Variants in STYXL2 observed in about 807,000 individuals in gnomAD.
The protein encoded by STYXL2 is serine/threonine/tyrosine-interacting-like protein 2.
In STYXL2, 44 loss-of-function variants were observed where a neutral mutation model predicts 52.4. That is an observed-to-expected ratio of 0.84 (90% CI 0.66 to 1.08). The LOEUF is 1.08. Among genes scored for constraint, STYXL2 ranks in the 50% least tolerant of loss-of-function variants. STYXL2 has a pLI of 0.00. For missense variants in STYXL2, 1,604 were observed against 1,471.7 expected (o/e 1.09, Z -1.47); for synonymous variants, 604 against 586.9 (o/e 1.03, Z -0.42).
Position 167,128,790 on chromosome 1 carries a change from G to C in STYXL2, c.*182G>C. 1 of 977,352 alleles carries C rather than the reference G, an allele frequency of 1.0e-6. No individual in the cohort carries two copies. The highest frequency in any genetic ancestry group is 1.4e-6 in the Non-Finnish European group (1 of 689,896). 60.5% of individuals were successfully genotyped at this position (977,352 alleles called of 1,614,324 possible). ...GTGGAGTAGGGAGGAGGCAAGGAGG[G>C]GGAGAACCATCAATACGAATACGAG... On this transcript the variant is annotated 3_prime_UTR_variant, in exon 6 of 6. Transcript: ENST00000361200.
chr1:167,123,183 G>A (rs1444014934), intron 5 of STYXL2, among the ~76,000 whole-genome samples: 1 of 152,212 alleles, frequency 6.6e-6, no homozygotes, highest in Non-Finnish European at 1.5e-5. Context: ...GCATCAGCCT[G>A]CCTCTAACAG....
At chr1:167,096,259 A>C (rs1415626120) in intron 2 of STYXL2, among the ~76,000 whole-genome samples, 1 of 151,916 alleles carries the variant, frequency 6.6e-6, no homozygotes, top group Admixed American at 6.6e-5. Context: ...CTCCATCTCA[A>C]AAAAAAAGAA....
rs762216703 is a variant in STYXL2 at position 167,117,518 on chromosome 1, T to C, written c.396T>C (p.Asn132=). ...AGGATCGCCAAGAGGCGCCCTGGAA[T>C]GAGGTGGATGAGGTCTGGCCCAATG... The part of the protein sequence containing the change: ...LVQDRQEAPW[N]EVDEVWPNVF... The change falls in exon 4 of 6, where the codon AAT becomes AAC. Residue 132 remains asparagine, a synonymous_variant. Coordinates refer to ENST00000361200, the MANE Select transcript of STYXL2 (RefSeq NM_001080426.3). 8 of 1,608,644 alleles carry C rather than the reference T, an allele frequency of 5.0e-6. No homozygotes were observed. Among genetic ancestry groups the C allele is most frequent in the Non-Finnish European group, 6.8e-6 (8 of 1,177,514 alleles).
At chr1:167,106,995 G>C (rs1571335206) in intron 2 of STYXL2, among the ~76,000 whole-genome samples, 1 of 152,092 alleles carries the variant, frequency 6.6e-6, no homozygotes, top group South Asian at 2.1e-4. Flanking sequence ...CCTTTTTGTG[G>C]GTCAGGAATT....
Position 167,126,527 on chromosome 1 carries a change from C to A in STYXL2, c.1396C>A (p.Arg466Ser). The change falls in exon 6 of 6, where the codon CGC becomes AGC. Residue 466 changes from arginine (R) to serine (S), a missense_variant. Arg to Ser is a moderately radical substitution (Grantham distance 110). Transcript: ENST00000361200. ...ELNRPDHGRR[R>S]RADSMSSEST... ...GAACCGCCCGGACCACGGCAGGAGG[C>A]GCCGCGCAGACTCGATGTCCTCGGA... The A allele has an allele frequency of 1.2e-6, 2 of 1,613,064 alleles. No homozygotes were observed. The highest frequency in any genetic ancestry group is 1.1e-5 in the South Asian group (1 of 90,958).
At position 167,119,257 on chromosome 1, in the gene STYXL2, C is replaced by CAGAA; in HGVS notation, c.446_447insAGAA (p.Val150GlufsTer45). 6.2e-7 allele frequency: 1 copy of CAGAA among 1,614,180 alleles called. No homozygotes were observed. The highest frequency in any genetic ancestry group is 8.5e-7 in the Non-Finnish European group (1 of 1,180,028). On this transcript the variant is annotated frameshift_variant, in exon 5 of 6. Transcript: ENST00000361200. LOFTEE classifies it high-confidence loss of function. Reference sequence around the variant, plus strand: ...CCTGCCTCTTCCCGCAGGAGTGTGGCTGTGAACAAGGGGAGGCTGAAGAGG... The same window carrying CAGAA: ...CCTGCCTCTTCCCGCAGGAGTGTGGCAGAATGTGAACAAGGGGAGGCTGAAGAGG...
chr1:167,099,100 A>C (rs1218683687), intron 2 of STYXL2, among the ~76,000 whole-genome samples: 1 of 152,184 alleles, frequency 6.6e-6, no homozygotes, highest in South Asian at 2.1e-4. Flanking sequence ...ATAATGATCA[A>C]AGGTTCAATT....
In STYXL2 at chr1:167,094,970, A is replaced by G; in HGVS notation, c.110+11A>G. On this transcript the variant is annotated intron_variant, in intron 2 of 5. Transcript: ENST00000361200. ...CCCCTCCCCTAGCCAGTAAGTGACC[A>G]CTTATCTCCCACCCTCACAGCCCCA... 6.3e-7 allele frequency: 1 copy of G among 1,583,026 alleles called. No homozygotes were observed. The highest frequency in any genetic ancestry group is 1.3e-5 in the African/African-American group (1 of 74,408).
In STYXL2 at chr1:167,128,129, T is replaced by C. The variant is rs1668016275; in HGVS notation, c.2998T>C (p.Ser1000Pro). 1.9e-6 allele frequency: 3 copies of C among 1,614,158 alleles called. No individual in the cohort carries two copies. The highest frequency in any genetic ancestry group is 1.3e-5 in the African/African-American group (1 of 75,034). The change falls in exon 6 of 6, where the codon TCT (serine) becomes CCT (proline). Residue 1000 changes from serine (S) to proline (P), a missense_variant. Ser to Pro is a moderately conservative substitution (Grantham distance 74). Transcript: ENST00000361200. ...CTCCTACCACGAGGCAAATGGCAAC[T>C]CTGTAAGAAGCACTTCACGGTTCTC... ...TSSYHEANGN[S>P]VRSTSRFSSS...
Position 167,126,138 on chromosome 1 carries a change from C to A in STYXL2, c.1007C>A (p.Ser336Tyr), listed in dbSNP as rs1667958313. ...GSSLGKATQA[S>Y]KPLTLIDEEE... The stretch of plus-strand genomic sequence containing the variant: ...TCCCTGGGGAAGGCCACCCAGGCCT[C>A]CAAGCCCCTCACCCTCATAGACGAG... Residue 336 changes from serine (S) to tyrosine (Y), a missense_variant, in exon 6 of 6, where the codon TCC becomes TAC. By Grantham distance (144) the Ser-to-Tyr change is moderately radical (BLOSUM62 -2). Coordinates refer to ENST00000361200, the MANE Select transcript of STYXL2 (RefSeq NM_001080426.3). The A allele has an allele frequency of 6.6e-7, 1 of 1,510,996 alleles. No individual in the cohort carries two copies. The highest frequency in any genetic ancestry group is 8.8e-7 in the Non-Finnish European group (1 of 1,133,016). The allele number at this position is 1,510,996 out of a possible 1,614,324, so 93.6% of individuals were successfully genotyped here.
intron 4 of STYXL2, among the ~76,000 whole-genome samples, 191 bp from the exon 5 acceptor site, chr1:167,119,058 C>T (rs992024906): frequency 1.1e-4 from 17 of 152,136 alleles, no homozygotes; most frequent in African/African-American, 3.6e-4. Context: ...GTCTTTTCTC[C>T]CTTTTGCTGA....
At chr1:167,100,375 G>A (rs574345134) in intron 2 of STYXL2, among the ~76,000 whole-genome samples, 44 of 152,276 alleles carry the variant, frequency 2.9e-4, no homozygotes, top group Middle Eastern at 3.4e-3. Flanking sequence ...TAGGAAATAC[G>A]TATTTTATTA....
chr1:167,123,290 TA>T (rs1667895460), intron 5 of STYXL2, among the ~76,000 whole-genome samples: 1 of 152,194 alleles, frequency 6.6e-6, no homozygotes, highest in Admixed American at 6.5e-5. Context: ...GGCTGCCCTT[TA>T]GGCTCCTCAG....
intron 2 of STYXL2, among the ~76,000 whole-genome samples, chr1:167,109,502 C>A (rs928376111): frequency 1.3e-5 from 2 of 152,132 alleles, no homozygotes; most frequent in East Asian, 1.9e-4. Flanking sequence ...GAGAACCACA[C>A]CCTCCATCCC....
chr1:167,127,856 A>G lies in STYXL2; in HGVS notation c.2725A>G (p.Thr909Ala), dbSNP rs764457296. Residue 909 changes from threonine (T) to alanine (A), a missense_variant, in exon 6 of 6, where the codon ACA (threonine) becomes GCA (alanine). Physicochemically the swap from Thr to Ala is moderately conservative, Grantham distance 58 (BLOSUM62 0). Coordinates refer to ENST00000361200, the MANE Select transcript of STYXL2 (RefSeq NM_001080426.3). ...CCGCAGTAATTCCCAGAAACCTGAA[A>G]CAGACACATGCTCCTCCCTGGCTGT... ...SSRSNSQKPE[T>A]DTCSSLAVCD... The G allele has an allele frequency of 1.9e-6, 3 of 1,613,966 alleles. No homozygotes were observed. The South Asian group carries it at 3.3e-5, about 18-fold the overall frequency.
intron 2 of STYXL2, among the ~76,000 whole-genome samples, chr1:167,110,092 T>G (rs1667586219): frequency 6.6e-6 from 1 of 152,048 alleles, no homozygotes; most frequent in African/African-American, 2.4e-5. Context: ...CCCTGGTGGC[T>G]CCACTGGGTG....
intron 4 of STYXL2, among the ~76,000 whole-genome samples, 194 bp from the exon 5 acceptor site, chr1:167,119,055 C>G (rs574192769): frequency 6.6e-6 from 1 of 152,328 alleles, no homozygotes; most frequent in African/African-American, 2.4e-5. Context: ...CATGTCTTTT[C>G]TCCCTTTTGC....
intron 5 of STYXL2, among the ~76,000 whole-genome samples, chr1:167,121,741 A>T (rs1667861275): frequency 6.6e-6 from 1 of 152,226 alleles, no homozygotes. Flanking sequence ...CCAGCGCGTC[A>T]GCTACCCCGG....
In STYXL2 at chr1:167,128,694, T is replaced by G. The variant is rs938560490; in HGVS notation, c.*86T>G. 5.7e-5 allele frequency: 84 copies of G among 1,483,748 alleles called. No individual in the cohort carries two copies. The highest frequency in any genetic ancestry group is 6.8e-5 in the Non-Finnish European group (77 of 1,126,512). The allele number at this position is 1,483,748 out of a possible 1,614,324, so 91.9% of individuals were successfully genotyped here. ...CACGTTGCCACCACTCATCGCAGGATGAGGATACAGAGAGGATCTTCCAGA... is the reference window on the plus strand; with the variant it reads ...CACGTTGCCACCACTCATCGCAGGAGGAGGATACAGAGAGGATCTTCCAGA... On this transcript the variant is annotated 3_prime_UTR_variant, in exon 6 of 6. Transcript: ENST00000361200.
Sources: allele counts gnomAD v4.1 joint callset (sites outside exome capture counted in the v4.1 genomes callset), GRCh38; gene constraint gnomAD v4.1.1; transcripts MANE v1.5; gene names NCBI Gene and HGNC (gene_info 2026-07-23, HGNC 2026-07-21).